Variants in TNNI3K observed in about 807,000 individuals in gnomAD.
TNNI3K encodes serine/threonine-protein kinase TNNI3K.
A neutral mutation model predicts 114.5 loss-of-function variants in TNNI3K; 140 were observed. The observed-to-expected ratio is 1.22, with a 90% CI of 1.07 to 1.41. TNNI3K has a LOEUF of 1.41. Among genes scored for constraint, TNNI3K ranks in the 40% most tolerant of loss-of-function variants. TNNI3K has a pLI of 0.00. For synonymous variants in TNNI3K, 347 were observed against 347.5 expected, an observed-to-expected ratio of 1.00 and a Z score of 0.02; for missense variants, 1,125 against 1,007.6, an observed-to-expected ratio of 1.12 and a Z score of -1.58.
chr1:74,288,840 A>G (rs1657488329), intron 5 of TNNI3K, among the ~76,000 whole-genome samples: 2 of 152,090 alleles, frequency 1.3e-5, no homozygotes, highest in Non-Finnish European at 2.9e-5. Context: ...ATCACTTCAC[A>G]ATGTATATAT....
At chr1:74,426,448 A>G (rs757967743) in intron 17 of TNNI3K, among the ~76,000 whole-genome samples, 1 of 151,908 alleles carries the variant, frequency 6.6e-6, no homozygotes, top group Non-Finnish European at 1.5e-5. Context: ...TTCGTTGATA[A>G]AGCCCAGCTC....
chr1:74,256,078 C>T (rs1182581533), intron 4 of TNNI3K, among the ~76,000 whole-genome samples: 1 of 152,134 alleles, frequency 6.6e-6, no homozygotes, highest in African/African-American at 2.4e-5. Flanking sequence ...CACTCACATA[C>T]AGGTATTTGT....
intron 20 of TNNI3K, among the ~76,000 whole-genome samples, chr1:74,440,032 G>C (rs1376260678): frequency 5.3e-5 from 8 of 151,912 alleles, no homozygotes; most frequent in Admixed American, 5.3e-4. Context: ...TGTTAAGGCT[G>C]CTCTCTGCTT....
chr1:74,402,324 A>C (rs1664406013), intron 17 of TNNI3K, among the ~76,000 whole-genome samples: 1 of 152,186 alleles, frequency 6.6e-6, no homozygotes, highest in South Asian at 2.1e-4. Context: ...AGTTATGTAG[A>C]GAGAACTATG....
chr1:74,478,380 G>T (rs1251867700), intron 21 of TNNI3K, among the ~76,000 whole-genome samples: 1 of 151,862 alleles, frequency 6.6e-6, no homozygotes, highest in Non-Finnish European at 1.5e-5. Flanking sequence ...CAAAACTTTT[G>T]GAATCTTCTA....
chr1:74,410,582 CA>C (rs904519453), intron 17 of TNNI3K, among the ~76,000 whole-genome samples: 6 of 152,232 alleles, frequency 3.9e-5, no homozygotes, highest in African/African-American at 9.6e-5. Context: ...AACCTGGTTT[CA>C]GACCTTGTCT....
intron 4 of TNNI3K, among the ~76,000 whole-genome samples, chr1:74,268,121 G>A (rs906938187): frequency 6.6e-6 from 1 of 151,834 alleles, no homozygotes; most frequent in African/African-American, 2.4e-5. Context: ...TTTATATGTT[G>A]TGAATATTTC....
chr1:74,363,996 T>TATTATC (rs1260029181), intron 11 of TNNI3K, among the ~76,000 whole-genome samples: 5 of 146,484 alleles, frequency 3.4e-5, no homozygotes, highest in African/African-American at 7.4e-5. Context: ...TTATTATTAT[T>TATTATC]ATTATTATTA....
At chr1:74,267,891 A>G (rs1371696497) in intron 4 of TNNI3K, among the ~76,000 whole-genome samples, 1 of 151,966 alleles carries the variant, frequency 6.6e-6, no homozygotes, top group Non-Finnish European at 1.5e-5. Context: ...AAACAAAGAT[A>G]CTTGAAGAAA....
chr1:74,272,956 T>G (rs1164863331), intron 5 of TNNI3K, among the ~76,000 whole-genome samples: 2 of 151,364 alleles, frequency 1.3e-5, no homozygotes. Context: ...AGCTCAACAA[T>G]GTAAAAGATG....
At chr1:74,311,798 G>A (rs148476482) in intron 5 of TNNI3K, among the ~76,000 whole-genome samples, 4 of 152,058 alleles carry the variant, frequency 2.6e-5, no homozygotes, top group African/African-American at 9.6e-5. Context: ...AAAATCCTTT[G>A]CTTTTTATAT....
intron 23 of TNNI3K, among the ~76,000 whole-genome samples, chr1:74,532,566 C>T (rs1311926145): frequency 6.6e-6 from 1 of 151,690 alleles, no homozygotes; most frequent in African/African-American, 2.4e-5. Context: ...TGCTGGTGTG[C>T]TGCACCCAAT....
At chr1:74,312,539 A>C (rs1490634651) in intron 5 of TNNI3K, among the ~76,000 whole-genome samples, 1 of 152,226 alleles carries the variant, frequency 6.6e-6, no homozygotes. Context: ...GGAAGATGAC[A>C]ATGAGATCTT....
chr1:74,237,239 C>T (rs1278781220), intron 2 of TNNI3K, among the ~76,000 whole-genome samples: 2 of 151,916 alleles, frequency 1.3e-5, no homozygotes, highest in Admixed American at 1.3e-4. Flanking sequence ...TCAACACTGA[C>T]ACTTGTGATG....
chr1:74,440,223 A>T (rs1213553920), intron 20 of TNNI3K, among the ~76,000 whole-genome samples: 4 of 152,106 alleles, frequency 2.6e-5, no homozygotes, highest in African/African-American at 9.7e-5. Context: ...CAGGTAAAAT[A>T]TACACATATT....
chr1:74,527,385 G>A (rs1339906782), intron 23 of TNNI3K, among the ~76,000 whole-genome samples: 1 of 152,204 alleles, frequency 6.6e-6, no homozygotes, highest in Admixed American at 6.5e-5. Context: ...CATACTTACT[G>A]AGAAACAAGG....
intron 5 of TNNI3K, among the ~76,000 whole-genome samples, chr1:74,300,654 A>G (rs1329452930): frequency 6.6e-6 from 1 of 152,228 alleles, no homozygotes; most frequent in Non-Finnish European, 1.5e-5. Flanking sequence ...GAGCAGAATT[A>G]TTCACAATTC....
At chr1:74,426,592 C>G (rs1030166317) in intron 17 of TNNI3K, among the ~76,000 whole-genome samples, 2 of 151,994 alleles carry the variant, frequency 1.3e-5, no homozygotes, top group Non-Finnish European at 1.5e-5. Context: ...ACTCGTCTTT[C>G]GTATAGTTCT....
chr1:74,236,754 A>C lies in TNNI3K; in HGVS notation c.149+544A>C, dbSNP rs113515691. ...ATTTCAGTAGATTTTGTTCCATGAT[A>C]ACAAGAGAAAAATAATCTAAGTGTC... On this transcript the variant is annotated intron_variant, in intron 2 of 24. Transcript: ENST00000326637. Among the ~76,000 whole-genome samples the C allele has an allele frequency of 2.3e-3, 345 of 151,998 alleles. 4 individuals are homozygous for C. Among genetic ancestry groups the C allele is most frequent in the African/African-American group, 7.5e-3 (313 of 41,532 alleles).
Sources: gnomAD v4.1 joint callset for allele counts (sites outside exome capture counted in the v4.1 genomes callset) on GRCh38, gnomAD v4.1.1 for gene constraint, MANE v1.5 for transcripts, NCBI Gene and HGNC (gene_info 2026-07-23, HGNC 2026-07-21) for gene names.